USP40: variants seen among roughly 807,000 people sequenced by gnomAD.
USP40 encodes the protein ubiquitin carboxyl-terminal hydrolase 40.
A neutral mutation model predicts 166.2 loss-of-function variants in USP40; 143 were observed. The ratio of observed to expected loss-of-function variants is 0.86; its 90% confidence interval spans 0.75 to 0.99. USP40 has a LOEUF of 0.99. Ranked by LOEUF, USP40 falls within the 50% of genes least tolerant of loss-of-function variation. The pLI is 0.00. For synonymous variants in USP40, 498 were observed against 524.0 expected (o/e 0.95, Z 0.68); for missense variants, 1,444 against 1,479.7 (o/e 0.98, Z 0.40).
intron 21 of USP40, among the ~76,000 whole-genome samples, chr2:233,508,120 T>C (rs546991050): frequency 1.3e-5 from 2 of 152,308 alleles, no homozygotes; most frequent in South Asian, 2.1e-4. Flanking sequence ...ATGCCAGATA[T>C]ATAATTTCAT....
At chr2:233,487,147 A>G (rs770043932) in intron 28 of USP40, among the ~76,000 whole-genome samples, 1 of 152,252 alleles carries the variant, frequency 6.6e-6, no homozygotes, top group African/African-American at 2.4e-5. Flanking sequence ...AAATTCCAAG[A>G]GAGCTTTTCC....
intron 28 of USP40, among the ~76,000 whole-genome samples, chr2:233,487,332 T>C (rs1010852220): frequency 6.6e-6 from 1 of 152,226 alleles, no homozygotes; most frequent in African/African-American, 2.4e-5. Context: ...GATGAAATAG[T>C]CAATGCTGGT....
At chr2:233,491,937 G>A (rs2065376265) in intron 25 of USP40, among the ~76,000 whole-genome samples, 1 of 152,156 alleles carries the variant, frequency 6.6e-6, no homozygotes, top group South Asian at 2.1e-4. Flanking sequence ...TGCCACTAAT[G>A]CATAGCAAGA....
intron 24 of USP40, among the ~76,000 whole-genome samples, chr2:233,495,444 A>G (rs1051639574): frequency 1.3e-5 from 2 of 151,754 alleles, no homozygotes; most frequent in African/African-American, 2.4e-5. Context: ...TTGAAAAGAG[A>G]CAGGGTTTCA....
At position 233,512,620 on chromosome 2, in the gene USP40, C is replaced by G. The variant is rs976900264; in HGVS notation, c.2386G>C (p.Asp796His). Residue 796 changes from aspartate to histidine, a missense_variant and splice_region_variant, in exon 19 of 32, where the codon GAC becomes CAC. Coordinates refer to ENST00000678225, the MANE Select transcript of USP40 (RefSeq NM_001365479.2). ...KELKLMKELA[D>H]NSCLRPIDRN... ...TCAATAGGTCTCAAACAGCTGTTGT[C>G]AGCTATATATAAAAGGAATATTATT... The G allele has an allele frequency of 2.1e-6, 3 of 1,411,494 alleles. No homozygotes were observed. In the African/African-American group the frequency reaches 5.9e-5, roughly 28 times the overall value. The allele number at this position is 1,411,494 out of a possible 1,614,324, so 87.4% of individuals were successfully genotyped here. A position where few individuals can be genotyped will look rare whatever the true frequency, so the allele number is the denominator to read the frequency against.
chr2:233,554,202 G>T, intron 6 of USP40, 178 bp downstream of exon 6: 1 of 611,646 alleles, frequency 1.6e-6, no homozygotes, highest in Non-Finnish European at 2.4e-6. Flanking sequence ...TGAACTGTTG[G>T]GTTGAAAGCC....
At chr2:233,490,812 G>A (rs1457407733) in intron 26 of USP40, among the ~76,000 whole-genome samples, 2 of 151,916 alleles carry the variant, frequency 1.3e-5, no homozygotes, top group Non-Finnish European at 2.9e-5. Context: ...TTAACATATG[G>A]GTCACAATGG....
intron 4 of USP40, among the ~76,000 whole-genome samples, chr2:233,558,774 C>T (rs2071322793): frequency 6.6e-6 from 1 of 152,168 alleles, no homozygotes; most frequent in Non-Finnish European, 1.5e-5. Flanking sequence ...TAAATTACAT[C>T]TCAATACAGT....
intron 6 of USP40, among the ~76,000 whole-genome samples, chr2:233,552,235 A>C (rs1448073383): frequency 6.6e-6 from 1 of 151,776 alleles, no homozygotes; most frequent in East Asian, 1.9e-4. Flanking sequence ...AAAAAAAAAA[A>C]ACAAAAAACC....
At chr2:233,556,809 A>G in intron 5 of USP40, 46 bp downstream of exon 5, 1 of 1,535,138 alleles carries the variant, frequency 6.5e-7, no homozygotes, top group Non-Finnish European at 8.8e-7. Flanking sequence ...TACATGGATT[A>G]TAATTTACAA....
intron 30 of USP40, among the ~76,000 whole-genome samples, chr2:233,483,209 G>A (rs570942606): frequency 1.4e-4 from 21 of 152,152 alleles, no homozygotes; most frequent in African/African-American, 5.1e-4. Context: ...AATCCTTCTT[G>A]CCAGGCATGG....
chr2:233,561,274 A>T (rs2071584255), intron 3 of USP40: 1 of 1,437,902 alleles, frequency 7.0e-7, no homozygotes, highest in Admixed American at 2.2e-5. Context: ...ATCCTAAGCC[A>T]AAAGAACAAA....
At chr2:233,507,780 G>A (rs1297779469) in intron 21 of USP40, among the ~76,000 whole-genome samples, 4 of 152,078 alleles carry the variant, frequency 2.6e-5, no homozygotes, top group Admixed American at 1.3e-4. Context: ...TTGTACAGTA[G>A]GGTGATGATA....
rs1575215078 is a variant in USP40 at position 233,485,519 on chromosome 2, T to C, written c.3504+12A>G. On this transcript the variant is annotated intron_variant, in intron 30 of 31. Coordinates refer to ENST00000678225, the MANE Select transcript of USP40 (RefSeq NM_001365479.2). ...CTTCTCAAAGTGGTAAATTTGCTGT[T>C]AAACAACTTACCTTAACACCAATAG... 1.9e-6 allele frequency: 3 copies of C among 1,607,876 alleles called. No individual in the cohort carries two copies. The East Asian group carries it at 6.7e-5, about 36-fold the overall frequency.
At chr2:233,548,546 A>G (rs2070218545) in intron 8 of USP40, among the ~76,000 whole-genome samples, 1 of 152,298 alleles carries the variant, frequency 6.6e-6, no homozygotes, top group East Asian at 1.9e-4. Context: ...GAGTTAGCTA[A>G]CTAAATACCA....
intron 5 of USP40, 138 bp from the exon 6 acceptor site, chr2:233,554,664 G>A (rs190552980): frequency 6.5e-4 from 397 of 606,570 alleles, no homozygotes; most frequent in Non-Finnish European, 8.3e-4. Flanking sequence ...CTCCTGATTA[G>A]ATGTTGTGAA....
intron 22 of USP40, among the ~76,000 whole-genome samples, 200 bp downstream of exon 22, chr2:233,499,679 A>G (rs1273054867): frequency 6.6e-6 from 1 of 152,070 alleles, no homozygotes; most frequent in Admixed American, 6.6e-5. Flanking sequence ...TAAATTCTCT[A>G]CTCAGAGCTA....
intron 18 of USP40, among the ~76,000 whole-genome samples, chr2:233,516,783 G>T (rs973933469): frequency 6.6e-6 from 1 of 151,584 alleles, no homozygotes; most frequent in South Asian, 2.1e-4. Flanking sequence ...CTTGAACCCA[G>T]GAGACAGAGG....
In USP40 at chr2:233,496,831, T is replaced by A; in HGVS notation, c.2717A>T (p.Asp906Val). ...TATCAGAAGTTCTTTCAGTGTTGCA[T>A]CCTGGGAAGACAAAAATGCTTTTTT... ...YEAGEPLCEE[D>V]ATLKELLICS... The change falls in exon 24 of 32, where the codon GAT (aspartate) becomes GTT (valine). Residue 906 changes from aspartate to valine, a missense_variant and splice_region_variant. Coordinates refer to ENST00000678225, the MANE Select transcript of USP40 (RefSeq NM_001365479.2). 1 of 1,611,952 alleles carries A rather than the reference T, an allele frequency of 6.2e-7. No individual in the cohort carries two copies. The highest frequency in any genetic ancestry group is 8.5e-7 in the Non-Finnish European group (1 of 1,179,186).
Sources: allele counts gnomAD v4.1 joint callset (sites outside exome capture counted in the v4.1 genomes callset), GRCh38; gene constraint gnomAD v4.1.1; transcripts MANE v1.5; gene names NCBI Gene and HGNC (gene_info 2026-07-23, HGNC 2026-07-21).